AURKB: variants seen among roughly 807,000 people sequenced by gnomAD.
AURKB encodes aurora kinase B-Sv1.
AURKB carries 28 observed loss-of-function variants against 36.5 expected under a neutral mutation model. The observed-to-expected ratio is 0.77, with a 90% CI of 0.57 to 1.05. AURKB has a LOEUF of 1.05. Ranked by LOEUF, AURKB falls within the 50% of genes least tolerant of loss-of-function variation. AURKB has a pLI of 0.00. For missense variants in AURKB, 383 were observed against 447.4 expected (o/e 0.86, Z 1.30); for synonymous variants, 175 against 172.9 (o/e 1.01, Z -0.09).
rs1450235427 is a variant in AURKB at position 8,206,987 on chromosome 17, C to T, written c.399-99G>A. 4.5e-6 allele frequency: 7 copies of T among 1,563,848 alleles called. No homozygotes were observed. The highest frequency in any genetic ancestry group is 5.2e-6 in the Non-Finnish European group (6 of 1,152,120). ...GGTCAGACGTGGCCCAGGCCGGGGA[C>T]ACCAGGGCTGGGAGTGGTAAGGGGA... On this transcript the variant is annotated intron_variant, in intron 5 of 8. Transcript: ENST00000585124. This position sits in a 1 kb window ranked among gnomAD's most constrained non-coding sequence, Gnocchi z 4.2.
rs748588155 is a variant in AURKB, at chr17:8,207,319, T to C, written c.255A>G (p.Lys85=). ...DDFEIGRPLG[K]GKFGNVYLAR... ...CCAAGTACACGTTTCCAAACTTGCC[T>C]TTGCCCAGAGGACGCCCAATCTCAA... Residue 85 remains lysine (K), a synonymous_variant, in exon 5 of 9, where the codon AAA becomes AAG. Transcript: ENST00000585124. The C allele has an allele frequency of 1.9e-6, 3 of 1,614,134 alleles. No individual in the cohort carries two copies. In the Admixed American group the frequency reaches 5.0e-5, roughly 27 times the overall value.
chr17:8,209,970 G>A, intron 2 of AURKB: 1 of 643,436 alleles, frequency 1.6e-6, no homozygotes, highest in Non-Finnish European at 2.7e-6. Flanking sequence ...GGAGTCACTG[G>A]CTGGTCAGAT....
chr17:8,208,601 T>TAAAA lies in AURKB; in HGVS notation c.49-762_49-761insTTTT, dbSNP rs1483579499. ...GTGAGGCTCCGTCTCAAAAAATAAA[T>TAAAA]AAATAAATAAATAAATAAATAAATA... On this transcript the variant is annotated intron_variant, in intron 2 of 8. Coordinates refer to ENST00000585124, the MANE Select transcript of AURKB (RefSeq NM_004217.4). Among the ~76,000 whole-genome samples, 4 of 139,872 alleles carry TAAAA rather than the reference T, an allele frequency of 2.9e-5. No homozygotes were observed. In the East Asian group the frequency reaches 8.4e-4, roughly 29 times the overall value. The allele number at this position is 139,872 out of a possible 152,430, so 91.8% of individuals were successfully genotyped here. A position where few individuals can be genotyped will look rare whatever the true frequency, so the allele number is the denominator to read the frequency against.
In AURKB at chr17:8,205,401, T is replaced by A. The variant is rs200815149; in HGVS notation, c.687-11A>T. 1.6e-4 allele frequency: 259 copies of A among 1,613,392 alleles called. No homozygotes were observed. The highest frequency in any genetic ancestry group is 2.0e-4 in the Non-Finnish European group (237 of 1,179,632). Reference sequence around the variant, plus strand: ...CACATTGTCTTCCTCCTGGGAGGGATAAGGGGCGTGGGCAGGGGTCCTAGT... The same window carrying A: ...CACATTGTCTTCCTCCTGGGAGGGAAAAGGGGCGTGGGCAGGGGTCCTAGT... On this transcript the variant is annotated splice_polypyrimidine_tract_variant and intron_variant, in intron 7 of 8. Coordinates refer to ENST00000585124, the MANE Select transcript of AURKB (RefSeq NM_004217.4).
chr17:8,204,740 CA>C lies in AURKB; in HGVS notation c.*130del. 7.8e-7 allele frequency: 1 copy of C among 1,281,742 alleles called. No homozygotes were observed. The highest frequency in any genetic ancestry group is 1.1e-6 in the Non-Finnish European group (1 of 919,902). The allele number at this position is 1,281,742 out of a possible 1,614,324, so 79.4% of individuals were successfully genotyped here. A position where few individuals can be genotyped will look rare whatever the true frequency, so the allele number is the denominator to read the frequency against. ...CTAGAAACATCTACACTCATGAGTA[CA>C]AAAAGCTTCAGCCTTTATTAAACAA... On this transcript the variant is annotated 3_prime_UTR_variant, in exon 9 of 9. Coordinates refer to ENST00000585124, the MANE Select transcript of AURKB (RefSeq NM_004217.4).
At chr17:8,207,550 C>T in intron 4 of AURKB, 21 bp downstream of exon 4, 1 of 1,611,460 alleles carries the variant, frequency 6.2e-7, no homozygotes, top group Non-Finnish European at 8.5e-7. Flanking sequence ...CCCCGTCCAC[C>T]CCCAGGCTTG....
At position 8,207,263 on chromosome 17, in the gene AURKB, G is replaced by C; in HGVS notation, c.311C>G (p.Ala104Gly). Residue 104 changes from alanine to glycine, a missense_variant, in exon 5 of 9, where the codon GCG becomes GGG. Around this residue, in one of 3 missense-constraint regions of AURKB, gnomAD observed 59 missense variants for 99.0 expected, o/e 0.60. Transcript: ENST00000585124. ...CTGGGACTTGAAGAGGACCTTGAGC[G>C]CCACGATGAAATGGCTTTTCTTCTC... is the stretch of plus-strand genomic sequence containing the variant. ...AREKKSHFIV[A>G]LKVLFKSQIE... 1 of 1,614,078 alleles carries C rather than the reference G, an allele frequency of 6.2e-7. No homozygotes were observed.
rs371084440 is a variant in AURKB at position 8,205,365 on chromosome 17, C to A, written c.712G>T (p.Asp238Tyr). 1 of 1,614,140 alleles carries A rather than the reference C, an allele frequency of 6.2e-7. No homozygotes were observed. Among genetic ancestry groups the A allele is most frequent in the Non-Finnish European group, 8.5e-7 (1 of 1,180,000 alleles). ...TCAATCATCTCTGGGGGCAGGTAGT[C>A]CAGGGTGCCACACATTGTCTTCCTC... is the stretch of plus-strand genomic sequence containing the variant. ...LRRKTMCGTL[D>Y]YLPPEMIEGR... The change falls in exon 8 of 9, where the codon GAC (aspartate) becomes TAC (tyrosine). Residue 238 changes from aspartate to tyrosine, a missense_variant. By Grantham distance (160) the Asp-to-Tyr change is radical. Transcript: ENST00000585124.
chr17:8,204,979 C>A lies in AURKB; in HGVS notation c.927G>T (p.Arg309Ser). The A allele has an allele frequency of 6.2e-7, 1 of 1,608,466 alleles. No homozygotes were observed. The highest frequency in any genetic ancestry group is 1.3e-5 in the African/African-American group (1 of 74,324). Reference protein sequence around the residue: ...GAQDLISKLLRHNPSERLPLA... With the variant: ...GAQDLISKLLSHNPSERLPLA... ...GGGGCAGCCGTTCCGAGGGGTTATG[C>A]CTGAGCAGTTTGGAGATGAGGTCCT... Residue 309 changes from arginine (R) to serine (S), a missense_variant, in exon 9 of 9, where the codon AGG becomes AGT. By Grantham distance (110) the Arg-to-Ser change is moderately radical (BLOSUM62 -1). Transcript: ENST00000585124.
chr17:8,204,740 C>T lies in AURKB; in HGVS notation c.*131G>A. 1.6e-6 allele frequency: 2 copies of T among 1,281,740 alleles called. No individual in the cohort carries two copies. Among genetic ancestry groups the T allele is most frequent in the Middle Eastern group, 5.4e-4 (2 of 3,726 alleles). The allele number at this position is 1,281,740 out of a possible 1,614,324, so 79.4% of individuals were successfully genotyped here. A position where few individuals can be genotyped will look rare whatever the true frequency, so the allele number is the denominator to read the frequency against. ...CTAGAAACATCTACACTCATGAGTA[C>T]AAAAAGCTTCAGCCTTTATTAAACA... On this transcript the variant is annotated 3_prime_UTR_variant, in exon 9 of 9. Transcript: ENST00000585124.
In AURKB at chr17:8,206,786, C is replaced by T. The variant is rs556060247; in HGVS notation, c.501G>A (p.Gln167=). ...GCTGCTCGTCAAATGTGCAGCTCTT[C>T]TGCAGCTCCTTGTAGAGCTCCCCGC... The part of the protein sequence containing the change: ...APRGELYKEL[Q]KSCTFDEQRT... The change falls in exon 6 of 9, where the codon CAG becomes CAA. Residue 167 remains glutamine, a synonymous_variant. Transcript: ENST00000585124. The surrounding 1 kb of genome is among the most constrained non-coding windows in gnomAD (Gnocchi z 4.2). 1.9e-6 allele frequency: 3 copies of T among 1,614,218 alleles called. No individual in the cohort carries two copies. In the East Asian group the frequency reaches 6.7e-5, roughly 36 times the overall value.
intron 3 of AURKB, 37 bp from the exon 4 acceptor site, chr17:8,207,662 A>T (rs373361325): frequency 6.8e-6 from 11 of 1,613,904 alleles, no homozygotes; most frequent in Non-Finnish European, 9.3e-6. Context: ...GCGAACAGGG[A>T]TGACCTTCTC....
At chr17:8,205,437 C>A in intron 7 of AURKB, 47 bp from the exon 8 acceptor site, 1 of 1,591,360 alleles carries the variant, frequency 6.3e-7, no homozygotes, top group Non-Finnish European at 8.6e-7. Context: ...GACATAGGAA[C>A]TCTCCTTTCC....
In AURKB at chr17:8,210,245, G is replaced by C; in HGVS notation, c.-21C>G. The C allele has an allele frequency of 6.3e-7, 1 of 1,588,432 alleles. No individual in the cohort carries two copies. Among genetic ancestry groups the C allele is most frequent in the South Asian group, 1.1e-5 (1 of 88,054 alleles). ...GCCATCCTTAGAGAGAAAGGGGGAG[G>C]AGAGCTGGGCGGAGAAGGGAAACAG... On this transcript the variant is annotated 5_prime_UTR_variant, in exon 2 of 9. Coordinates refer to ENST00000585124, the MANE Select transcript of AURKB (RefSeq NM_004217.4).
intron 5 of AURKB, 24 bp downstream of exon 5, chr17:8,207,152 G>A (rs766111724): frequency 8.1e-6 from 13 of 1,599,146 alleles, no homozygotes; most frequent in Non-Finnish European, 1.0e-5. Context: ...GAGGGGCTTC[G>A]GCTCAGGGGG....
chr17:8,210,027 G>T (rs1985895634), intron 2 of AURKB, 150 bp downstream of exon 2: 1 of 1,006,188 alleles, frequency 9.9e-7, no homozygotes, highest in South Asian at 1.5e-5. Flanking sequence ...TGACCAGAGC[G>T]GGTTCTGTCG....
chr17:8,208,192 C>A (rs112588947), intron 2 of AURKB: 1 of 172,710 alleles, frequency 5.8e-6, no homozygotes, highest in East Asian at 1.8e-4. Flanking sequence ...TTTGGAAGGC[C>A]GAGGCAGGCG....
At chr17:8,210,025 G>C in intron 2 of AURKB, 152 bp downstream of exon 2, 1 of 992,714 alleles carries the variant, frequency 1.0e-6, no homozygotes, top group East Asian at 2.5e-5. Context: ...AATGACCAGA[G>C]CGGGTTCTGT....
intron 2 of AURKB, 44 bp downstream of exon 2, chr17:8,210,133 C>T (rs370367145): frequency 3.7e-6 from 6 of 1,609,646 alleles, no homozygotes; most frequent in Non-Finnish European, 5.1e-6. Flanking sequence ...AGGAACTCGC[C>T]ATGCGGGGTC....
Sources: allele counts gnomAD v4.1 joint callset (sites outside exome capture counted in the v4.1 genomes callset), GRCh38; gene constraint gnomAD v4.1.1; regional missense constraint gnomAD v4.1.1; non-coding constraint Gnocchi (gnomAD v3.1); transcripts MANE v1.5; gene names NCBI Gene and HGNC (gene_info 2026-07-23, HGNC 2026-07-21).